Variants in PLPPR1 observed in about 807,000 individuals in gnomAD.
PLPPR1 encodes phospholipid phosphatase related 1, also known as phospholipid phosphatase-related protein type 1.
A neutral mutation model predicts 33.1 loss-of-function variants in PLPPR1; 10 were observed. The observed-to-expected ratio is 0.30, with a 90% confidence interval of 0.19 to 0.51. The LOEUF is 0.51. Ranked by LOEUF, PLPPR1 falls within the 20% of genes least tolerant of loss-of-function variation. The pLI, the probability that PLPPR1 is intolerant of heterozygous loss-of-function variation, is 0.97. For missense variants in PLPPR1, 304 were observed against 408.1 expected (o/e 0.74, Z 2.20); for synonymous variants, 151 against 151.0 (o/e 1.00, Z 0.00).
chr9:101,175,694 A>G (rs995213833), intron 1 of PLPPR1, among the ~76,000 whole-genome samples: 3 of 152,214 alleles, frequency 2.0e-5, no homozygotes, highest in Non-Finnish European at 4.4e-5. Context: ...GAATAAGTGA[A>G]TGAATAAATT....
At chr9:101,066,560 A>T (rs1426780429) in intron 1 of PLPPR1, among the ~76,000 whole-genome samples, 1 of 152,032 alleles carries the variant, frequency 6.6e-6, no homozygotes, top group Non-Finnish European at 1.5e-5. Flanking sequence ...TTATGTCAGT[A>T]TGGACTCATG....
At chr9:101,193,265 T>C (rs971196371) in intron 2 of PLPPR1, among the ~76,000 whole-genome samples, 1 of 152,140 alleles carries the variant, frequency 6.6e-6, no homozygotes, top group African/African-American at 2.4e-5. Context: ...CATGGAAATA[T>C]CCCACCCCCT....
intron 1 of PLPPR1, among the ~76,000 whole-genome samples, chr9:101,173,646 G>A (rs1825978369): frequency 1.3e-5 from 2 of 152,104 alleles, no homozygotes; most frequent in Non-Finnish European, 2.9e-5. Flanking sequence ...TTTTAACCCA[G>A]CTAAAGAAGT....
intron 3 of PLPPR1, among the ~76,000 whole-genome samples, chr9:101,271,407 G>C (rs1828098595): frequency 6.6e-6 from 1 of 152,120 alleles, no homozygotes; most frequent in Non-Finnish European, 1.5e-5. Flanking sequence ...TGCCCTCTTT[G>C]GAATCACAGA....
intron 2 of PLPPR1, 57 bp from the exon 3 acceptor site, chr9:101,269,823 G>T (rs750582027): frequency 1.3e-6 from 2 of 1,546,516 alleles, no homozygotes; most frequent in South Asian, 2.2e-5. Flanking sequence ...GCTCTGAGGG[G>T]CAAGGGCTGC....
intron 1 of PLPPR1, among the ~76,000 whole-genome samples, chr9:101,177,289 C>T (rs1826032324): frequency 6.6e-6 from 1 of 152,140 alleles, no homozygotes; most frequent in Non-Finnish European, 1.5e-5. Context: ...CAATGTCTTT[C>T]ATCAACATGT....
chr9:101,298,916 T>C (rs1564030914), intron 4 of PLPPR1, among the ~76,000 whole-genome samples: 1 of 152,148 alleles, frequency 6.6e-6, no homozygotes, highest in Non-Finnish European at 1.5e-5. Context: ...ATTGTTGAGT[T>C]GGCAGTGAAT....
intron 2 of PLPPR1, among the ~76,000 whole-genome samples, chr9:101,258,905 A>T (rs774779181): frequency 6.6e-6 from 1 of 152,168 alleles, no homozygotes; most frequent in Non-Finnish European, 1.5e-5. Context: ...GATATTAGCT[A>T]TGCCTGCCAG....
chr9:101,032,462 C>A (rs1829957608), intron 1 of PLPPR1, among the ~76,000 whole-genome samples: 1 of 152,066 alleles, frequency 6.6e-6, no homozygotes. Flanking sequence ...ATAAGAAGGG[C>A]CTTCCTTCTT....
chr9:101,190,890 G>C (rs1386845917), intron 2 of PLPPR1, among the ~76,000 whole-genome samples: 5 of 152,236 alleles, frequency 3.3e-5, no homozygotes, highest in African/African-American at 1.2e-4. Flanking sequence ...GAGGAAAGCA[G>C]AATGGATCAA....
chr9:101,186,919 A>G (rs954624666), intron 2 of PLPPR1, among the ~76,000 whole-genome samples: 2 of 151,900 alleles, frequency 1.3e-5, no homozygotes, highest in African/African-American at 4.8e-5. Flanking sequence ...ATGGGTAAAC[A>G]AAGAACTCAT....
intron 1 of PLPPR1, among the ~76,000 whole-genome samples, chr9:101,076,527 G>A (rs1325953654): frequency 6.6e-6 from 1 of 152,144 alleles, no homozygotes; most frequent in Non-Finnish European, 1.5e-5. Context: ...CCAGATGTCT[G>A]TACCTGAAAA....
At chr9:101,293,687 C>T (rs1162087385) in intron 4 of PLPPR1, among the ~76,000 whole-genome samples, 1 of 152,058 alleles carries the variant, frequency 6.6e-6, no homozygotes, top group Middle Eastern at 3.2e-3. Flanking sequence ...ACTGAACAAC[C>T]TGCTCCTGAA....
intron 1 of PLPPR1, among the ~76,000 whole-genome samples, chr9:101,081,807 G>T (rs961512217): frequency 2.0e-5 from 3 of 152,224 alleles, no homozygotes; most frequent in Non-Finnish European, 4.4e-5. Flanking sequence ...ATGTTGAAAT[G>T]TGTTATCAGG....
intron 2 of PLPPR1, among the ~76,000 whole-genome samples, chr9:101,229,887 G>A (rs1294069609): frequency 6.6e-6 from 1 of 152,092 alleles, no homozygotes; most frequent in Non-Finnish European, 1.5e-5. Flanking sequence ...AATACTCAGT[G>A]GCAAACGTGC....
At chr9:101,085,361 T>C (rs953733368) in intron 1 of PLPPR1, among the ~76,000 whole-genome samples, 15 of 152,302 alleles carry the variant, frequency 9.8e-5, no homozygotes, top group African/African-American at 3.6e-4. Context: ...TTAACTTCAG[T>C]TGCTACCCCT....
At chr9:101,315,515 G>A (rs117045563) in intron 6 of PLPPR1, among the ~76,000 whole-genome samples, 2 of 152,294 alleles carry the variant, frequency 1.3e-5, no homozygotes, top group East Asian at 1.9e-4. Flanking sequence ...CTGCTTCAAC[G>A]TTAAACTTGT....
At chr9:101,299,345 G>C (rs543197405) in intron 4 of PLPPR1, among the ~76,000 whole-genome samples, 5 of 152,174 alleles carry the variant, frequency 3.3e-5, no homozygotes, top group Non-Finnish European at 5.9e-5. Context: ...TTGTGGCTGG[G>C]ATTCAAGGAT....
In PLPPR1 at chr9:101,230,944, G is replaced by A. The variant is rs114438392; in HGVS notation, c.64-38936G>A. 6.4e-3 allele frequency among the ~76,000 whole-genome samples: 976 copies of A among 151,386 alleles called. 9 individuals carry two copies. The highest frequency in any genetic ancestry group is 0.022 in the African/African-American group (925 of 41,190). ...CTCTGCCTTGTAGTGTTTAATTCTGGATCTATTGAATAAAAAGGAAGGAAT... is the reference window on the plus strand; with the variant it reads ...CTCTGCCTTGTAGTGTTTAATTCTGAATCTATTGAATAAAAAGGAAGGAAT... On this transcript the variant is annotated intron_variant, in intron 2 of 7. Transcript: ENST00000374874.
Sources: gnomAD v4.1 joint callset for allele counts (sites outside exome capture counted in the v4.1 genomes callset) on GRCh38, gnomAD v4.1.1 for gene constraint, MANE v1.5 for transcripts, NCBI Gene and HGNC (gene_info 2026-07-23, HGNC 2026-07-21) for gene names.